Variants in SNTB1 observed in about 807,000 individuals in gnomAD.
The protein encoded by SNTB1 is beta-1-syntrophin.
Under a neutral mutation model 48.9 loss-of-function variants are expected in SNTB1, and 36 were observed. The observed-to-expected ratio is 0.74, with a 90% CI of 0.56 to 0.97. The LOEUF (loss-of-function observed/expected upper bound fraction) is 0.97, where lower values mean the gene tolerates loss of function less well. Among genes scored for constraint, SNTB1 ranks in the 50% least tolerant of loss-of-function variants. The pLI is 0.00. For missense variants in SNTB1, 786 were observed against 703.4 expected, an observed-to-expected ratio of 1.12 and a Z score of -1.33; for synonymous variants, 299 against 294.6, an observed-to-expected ratio of 1.01 and a Z score of -0.15.
intron 3 of SNTB1, among the ~76,000 whole-genome samples, chr8:120,628,181 T>C (rs746221720): frequency 1.3e-5 from 2 of 152,286 alleles, no homozygotes; most frequent in Non-Finnish European, 2.9e-5. Context: ...CAAACCGAGA[T>C]AACAAGGGAA....
intron 2 of SNTB1, among the ~76,000 whole-genome samples, chr8:120,646,577 T>C (rs2129694043): frequency 6.6e-6 from 1 of 152,064 alleles, no homozygotes; most frequent in Non-Finnish European, 1.5e-5. Context: ...CAGTATTTTA[T>C]TGAGGATTTT....
intron 1 of SNTB1, among the ~76,000 whole-genome samples, chr8:120,784,606 T>C (rs918461224): frequency 1.8e-4 from 27 of 152,102 alleles, no homozygotes; most frequent in African/African-American, 5.8e-4. Context: ...TCTCCAGAAT[T>C]TGGAATTGGA....
chr8:120,662,538 G>C, intron 2 of SNTB1, among the ~76,000 whole-genome samples: 1 of 152,188 alleles, frequency 6.6e-6, no homozygotes, highest in East Asian at 1.9e-4. Context: ...TTGGCATCAA[G>C]GTGCATGGGG....
At chr8:120,592,002 T>C (rs1002656648) in intron 3 of SNTB1, among the ~76,000 whole-genome samples, 7 of 152,192 alleles carry the variant, frequency 4.6e-5, no homozygotes, top group African/African-American at 1.7e-4. Context: ...GGGTCAAACT[T>C]TTCCTACTGC....
At chr8:120,607,017 TC>T (rs1289727748) in intron 3 of SNTB1, among the ~76,000 whole-genome samples, 1 of 152,046 alleles carries the variant, frequency 6.6e-6, no homozygotes, top group East Asian at 1.9e-4. Context: ...GAAGACTGTA[TC>T]CCTGGAAAAG....
chr8:120,593,257 C>G (rs1445611542), intron 3 of SNTB1, among the ~76,000 whole-genome samples: 1 of 152,176 alleles, frequency 6.6e-6, no homozygotes, highest in Non-Finnish European at 1.5e-5. Flanking sequence ...CTGAAGCAGG[C>G]ACCGAAAGGA....
intron 1 of SNTB1, among the ~76,000 whole-genome samples, chr8:120,784,264 G>T (rs1819879634): frequency 6.6e-6 from 1 of 152,022 alleles, no homozygotes; most frequent in Non-Finnish European, 1.5e-5. Flanking sequence ...AAAGTGCTGG[G>T]ATTATAGGTG....
chr8:120,588,967 C>T (rs756832639), intron 3 of SNTB1, among the ~76,000 whole-genome samples: 17 of 152,208 alleles, frequency 1.1e-4, no homozygotes, highest in Non-Finnish European at 2.1e-4. Flanking sequence ...ATTACCATCA[C>T]TACCATCATA....
At chr8:120,692,606 G>A (rs1363488869) in intron 2 of SNTB1, among the ~76,000 whole-genome samples, 1 of 152,144 alleles carries the variant, frequency 6.6e-6, no homozygotes, top group Non-Finnish European at 1.5e-5. Flanking sequence ...TGGGTTGGGT[G>A]ATATATCTAG....
chr8:120,630,372 T>C (rs1472528966), intron 3 of SNTB1, among the ~76,000 whole-genome samples: 1 of 152,232 alleles, frequency 6.6e-6, no homozygotes, highest in Non-Finnish European at 1.5e-5. Flanking sequence ...CTCAGGTAAC[T>C]GCTGCTTCTC....
intron 1 of SNTB1, among the ~76,000 whole-genome samples, chr8:120,734,484 G>A (rs907509779): frequency 3.3e-5 from 5 of 150,902 alleles, no homozygotes; most frequent in Admixed American, 1.3e-4. Flanking sequence ...AAATTGTCAC[G>A]AAAGCTAACA....
At chr8:120,749,678 C>G (rs1010156553) in intron 1 of SNTB1, among the ~76,000 whole-genome samples, 1 of 152,110 alleles carries the variant, frequency 6.6e-6, no homozygotes, top group Non-Finnish European at 1.5e-5. Flanking sequence ...CTGAAACAGA[C>G]TCAGGGGAAG....
intron 1 of SNTB1, among the ~76,000 whole-genome samples, chr8:120,735,026 C>A (rs1028401646): frequency 1.3e-5 from 2 of 152,158 alleles, no homozygotes; most frequent in African/African-American, 2.4e-5. Flanking sequence ...AGCAGTCAAA[C>A]TACTTAGGGG....
chr8:120,674,067 T>C (rs1343041067), intron 2 of SNTB1, among the ~76,000 whole-genome samples: 1 of 152,118 alleles, frequency 6.6e-6, no homozygotes, highest in African/African-American at 2.4e-5. Flanking sequence ...AGGCAATCAT[T>C]GTAAAGGAGA....
intron 5 of SNTB1, among the ~76,000 whole-genome samples, chr8:120,548,124 G>A (rs913793001): frequency 1.1e-4 from 17 of 151,984 alleles, no homozygotes; most frequent in African/African-American, 2.2e-4. Context: ...AAAATAGTGC[G>A]GCACTTTCCT....
intron 1 of SNTB1, among the ~76,000 whole-genome samples, chr8:120,763,694 T>C (rs1819466147): frequency 6.6e-6 from 1 of 152,080 alleles, no homozygotes; most frequent in African/African-American, 2.4e-5. Context: ...AGACAACCTA[T>C]AAGAATTAAC....
chr8:120,599,412 A>T (rs1355025701), intron 3 of SNTB1, among the ~76,000 whole-genome samples: 6 of 152,200 alleles, frequency 3.9e-5, no homozygotes, highest in African/African-American at 7.2e-5. Context: ...GATTTTTTTA[A>T]AATATTTCTG....
chr8:120,744,115 G>A, intron 1 of SNTB1, among the ~76,000 whole-genome samples: 1 of 126,176 alleles, frequency 7.9e-6, no homozygotes, highest in African/African-American at 3.1e-5. Flanking sequence ...GGGTGACCCT[G>A]TCTCAATTTT....
chr8:120,663,913 T>C (rs1817633024), intron 2 of SNTB1, among the ~76,000 whole-genome samples: 1 of 152,184 alleles, frequency 6.6e-6, no homozygotes, highest in African/African-American at 2.4e-5. Context: ...ACAGTTTTAT[T>C]TCCAAATTAA....
Sources: allele counts gnomAD v4.1 joint callset (sites outside exome capture counted in the v4.1 genomes callset), GRCh38; gene constraint gnomAD v4.1.1; transcripts MANE v1.5; gene names NCBI Gene and HGNC (gene_info 2026-07-23, HGNC 2026-07-21).